The following SEMA5A variants were observed in gnomAD, a reference collection of about 807,000 sequenced individuals.
The protein encoded by SEMA5A is semaphorin 5A.
Under a neutral mutation model 135.5 loss-of-function variants are expected in SEMA5A, and 55 were observed. That is an observed-to-expected ratio of 0.41 (90% CI 0.33 to 0.51). SEMA5A has a LOEUF of 0.51. SEMA5A is among the 20% of genes least tolerant of loss of function. SEMA5A has a pLI of 0.37. For missense variants in SEMA5A, 1,290 were observed against 1,419.9 expected, an observed-to-expected ratio of 0.91 and a Z score of 1.47; for synonymous variants, 580 against 546.5, an observed-to-expected ratio of 1.06 and a Z score of -0.85.
intron 1 of SEMA5A, among the ~76,000 whole-genome samples, chr5:9,499,020 T>C (rs527320240): frequency 7.2e-5 from 11 of 152,352 alleles, no homozygotes; most frequent in African/African-American, 1.7e-4. Flanking sequence ...GCCGCAACTA[T>C]GTGTGTAAAC....
intron 1 of SEMA5A, among the ~76,000 whole-genome samples, chr5:9,542,744 T>C (rs1471438209): frequency 6.6e-6 from 1 of 152,202 alleles, no homozygotes; most frequent in African/African-American, 2.4e-5. Flanking sequence ...CAAATAGTTG[T>C]ACATATACTA....
chr5:9,519,385 C>T (rs892074830), intron 1 of SEMA5A, among the ~76,000 whole-genome samples: 3 of 152,170 alleles, frequency 2.0e-5, no homozygotes, highest in African/African-American at 4.8e-5. Flanking sequence ...GCATCAACAG[C>T]GAAGTATGTC....
At chr5:9,435,175 G>T (rs1757987441) in intron 2 of SEMA5A, among the ~76,000 whole-genome samples, 1 of 152,020 alleles carries the variant, frequency 6.6e-6, no homozygotes, top group South Asian at 2.1e-4. Flanking sequence ...GACCAGACCA[G>T]AACATTCTTG....
chr5:9,297,803 C>A (rs748236532), intron 5 of SEMA5A, among the ~76,000 whole-genome samples: 1 of 151,898 alleles, frequency 6.6e-6, no homozygotes, highest in Non-Finnish European at 1.5e-5. Context: ...CTCAAGCCAC[C>A]TGCCTACCTT....
intron 1 of SEMA5A, among the ~76,000 whole-genome samples, chr5:9,500,299 T>C (rs906334475): frequency 6.6e-6 from 1 of 152,230 alleles, no homozygotes; most frequent in African/African-American, 2.4e-5. Context: ...ATATTGATCC[T>C]GATGGTGGGG....
At chr5:9,411,223 G>A (rs757621126) in intron 2 of SEMA5A, among the ~76,000 whole-genome samples, 6 of 152,182 alleles carry the variant, frequency 3.9e-5, no homozygotes, top group Non-Finnish European at 7.3e-5. Flanking sequence ...GTTATCTGTA[G>A]AGGCTCCAGA....
At chr5:9,220,875 C>T (rs552689332) in intron 8 of SEMA5A, among the ~76,000 whole-genome samples, 14 of 152,214 alleles carry the variant, frequency 9.2e-5, no homozygotes, top group Admixed American at 1.3e-4. Context: ...ACAGCAGCGC[C>T]GCATGGTGGG....
At chr5:9,237,576 T>G in intron 6 of SEMA5A, 1 of 334,116 alleles carries the variant, frequency 3.0e-6, no homozygotes, top group Non-Finnish European at 5.4e-6. Context: ...CTTATCTTAG[T>G]CTAATGACAG....
intron 4 of SEMA5A, among the ~76,000 whole-genome samples, chr5:9,324,558 G>T (rs1320639964): frequency 6.6e-6 from 1 of 152,082 alleles, no homozygotes; most frequent in East Asian, 1.9e-4. Flanking sequence ...AAGCCAGCTG[G>T]CAACATGAGG....
chr5:9,527,492 T>C (rs575396010), intron 1 of SEMA5A, among the ~76,000 whole-genome samples: 1 of 152,358 alleles, frequency 6.6e-6, no homozygotes, highest in East Asian at 1.9e-4. Context: ...ATCTTCCTTC[T>C]CGCTCTCTGT....
intron 1 of SEMA5A, among the ~76,000 whole-genome samples, chr5:9,489,810 G>A (rs1312731587): frequency 1.3e-5 from 2 of 152,102 alleles, no homozygotes; most frequent in Non-Finnish European, 2.9e-5. Context: ...AGTTACTCAA[G>A]TGAGTATCTG....
chr5:9,136,836 A>G (rs1741784785), intron 12 of SEMA5A, among the ~76,000 whole-genome samples: 2 of 152,192 alleles, frequency 1.3e-5, no homozygotes, highest in Admixed American at 6.5e-5. Context: ...TGAAAAATCT[A>G]TGTTTTAATC....
At chr5:9,075,231 T>A (rs2150089680) in intron 16 of SEMA5A, among the ~76,000 whole-genome samples, 1 of 152,338 alleles carries the variant, frequency 6.6e-6, no homozygotes, top group Middle Eastern at 3.4e-3. Context: ...CTGATAGCAT[T>A]GTAAATGGCA....
intron 4 of SEMA5A, among the ~76,000 whole-genome samples, chr5:9,330,980 A>C (rs1173175177): frequency 6.6e-6 from 1 of 152,206 alleles, no homozygotes; most frequent in African/African-American, 2.4e-5. Context: ...ATTACCTGGG[A>C]TCTCTTCCCA....
At chr5:9,268,979 C>T (rs974278252) in intron 5 of SEMA5A, among the ~76,000 whole-genome samples, 1 of 152,064 alleles carries the variant, frequency 6.6e-6, no homozygotes, top group Non-Finnish European at 1.5e-5. Context: ...ACATTTACAT[C>T]GTACAATTAC....
At chr5:9,167,980 C>A (rs1289446862) in intron 11 of SEMA5A, among the ~76,000 whole-genome samples, 1 of 152,038 alleles carries the variant, frequency 6.6e-6, no homozygotes, top group East Asian at 1.9e-4. Flanking sequence ...CTGGTTATTG[C>A]CAAGAAATAG....
intron 11 of SEMA5A, among the ~76,000 whole-genome samples, chr5:9,171,261 AG>A (rs1362082116): frequency 2.0e-5 from 3 of 152,190 alleles, no homozygotes; most frequent in African/African-American, 7.2e-5. Context: ...GAATATCAAC[AG>A]GATCTGGTGA....
chr5:9,125,883 CTT>C lies in SEMA5A; in HGVS notation c.1600-3048_1600-3047del, dbSNP rs367604152. 1.7e-3 allele frequency among the ~76,000 whole-genome samples: 266 copies of C among 152,290 alleles called. 3 individuals carry two copies. The East Asian group carries it at 0.024, about 14-fold the overall frequency. On this transcript the variant is annotated intron_variant, in intron 13 of 22. Transcript: ENST00000382496. ...TTTCACCTGTTTATCAGCCCTCCCT[CTT>C]GTCTCCAGCCAAAAGACTCCTGTGT...
chr5:9,426,794 C>G (rs1579521481), intron 2 of SEMA5A, among the ~76,000 whole-genome samples: 1 of 151,946 alleles, frequency 6.6e-6, no homozygotes, highest in African/African-American at 2.4e-5. Context: ...GCCATAAAGA[C>G]AAAAAATGAG....
Sources: allele counts gnomAD v4.1 joint callset (sites outside exome capture counted in the v4.1 genomes callset), GRCh38; gene constraint gnomAD v4.1.1; transcripts MANE v1.5; gene names NCBI Gene and HGNC (gene_info 2026-07-23, HGNC 2026-07-21).